The following INO80 variants were observed in gnomAD, a reference collection of about 807,000 sequenced individuals.
INO80 encodes the protein chromatin-remodeling ATPase INO80.
A neutral mutation model predicts 203.4 loss-of-function variants in INO80; 20 were observed. That is an observed-to-expected ratio of 0.10 (90% CI 0.07 to 0.14). The LOEUF (loss-of-function observed/expected upper bound fraction) is 0.14, where lower values mean the gene tolerates loss of function less well. Ranked by LOEUF, INO80 falls within the 10% of genes least tolerant of loss-of-function variation. The pLI is 1.00. For synonymous variants in INO80, 726 were observed against 685.2 expected, an observed-to-expected ratio of 1.06 and a Z score of -0.93; for missense variants, 1,419 against 1,914.4, an observed-to-expected ratio of 0.74 and a Z score of 4.83.
intron 21 of INO80, among the ~76,000 whole-genome samples, chr15:41,048,919 T>C (rs1468513350): frequency 6.6e-6 from 1 of 152,192 alleles, no homozygotes; most frequent in Non-Finnish European, 1.5e-5. Context: ...AAAAGGTAAA[T>C]TTGATTAACT....
In INO80 at chr15:41,069,560, T is replaced by G; in HGVS notation, c.1782+10A>C. The G allele has an allele frequency of 6.7e-7, 1 of 1,483,958 alleles. No homozygotes were observed. Among genetic ancestry groups the G allele is most frequent in the Non-Finnish European group, 9.4e-7 (1 of 1,069,124 alleles). 91.9% of individuals were successfully genotyped at this position (1,483,958 alleles called of 1,614,324 possible). A position where few individuals can be genotyped will look rare whatever the true frequency, so the allele number is the denominator to read the frequency against. ...AGAGCAATAGATGTTTTGGTTGGAC[T>G]GATATTTACCTTAAATTTAGGAACA... is the stretch of plus-strand genomic sequence containing the variant. On this transcript the variant is annotated intron_variant, in intron 14 of 35. Coordinates refer to ENST00000648947, the MANE Select transcript of INO80 (RefSeq NM_017553.3).
At chr15:41,049,788 A>C in intron 20 of INO80, 147 bp downstream of exon 20, 1 of 705,860 alleles carries the variant, frequency 1.4e-6, no homozygotes, top group South Asian at 2.2e-5. Flanking sequence ...TGGGAGGCTG[A>C]GGCAGGAGAA....
rs558776924 is a variant in INO80, at chr15:41,080,354, CAACT to C, written c.928-454_928-451del. Among the ~76,000 whole-genome samples the C allele has an allele frequency of 9.9e-5, 15 of 152,214 alleles. No individual in the cohort carries two copies. In the South Asian group the frequency reaches 3.1e-3, roughly 32 times the overall value. On this transcript the variant is annotated intron_variant, in intron 8 of 35. Transcript: ENST00000648947. Reference sequence around the variant, plus strand: ...GTTGAATGACTACCCCAGAGAAACACAACTAATAACATGGCCTAATCTGATCCTC... The same window carrying C: ...GTTGAATGACTACCCCAGAGAAACACAATAACATGGCCTAATCTGATCCTC...
At chr15:41,060,125 G>C (rs889636277) in intron 14 of INO80, among the ~76,000 whole-genome samples, 199 bp from the exon 15 acceptor site, 1 of 152,158 alleles carries the variant, frequency 6.6e-6, no homozygotes, top group African/African-American at 2.4e-5. Flanking sequence ...TTTGTCTGAA[G>C]GCATAAAACA....
chr15:41,079,361 T>G (rs1481450624), intron 9 of INO80, among the ~76,000 whole-genome samples: 1 of 152,076 alleles, frequency 6.6e-6, no homozygotes, highest in African/African-American at 2.4e-5. Context: ...GAGCCCAGAA[T>G]AGAGGAAGAC....
chr15:41,058,620 T>C lies in INO80; in HGVS notation c.1985+19A>G, dbSNP rs2045043701. On this transcript the variant is annotated intron_variant, in intron 16 of 35. Transcript: ENST00000648947. ...ACTTAACCCAATGCATTGAGTTTGG[T>C]TTCTACTACTCATGTTACCTGGAAC... The C allele has an allele frequency of 1.9e-6, 3 of 1,609,884 alleles. No individual in the cohort carries two copies. The highest frequency in any genetic ancestry group is 1.3e-5 in the African/African-American group (1 of 74,890).
At chr15:41,028,018 ACTT>A (rs771207159) in intron 24 of INO80, 4 of 214,294 alleles carry the variant, frequency 1.9e-5, no homozygotes, top group Non-Finnish European at 3.7e-5. Context: ...GCACAGCAAA[ACTT>A]CATTAGACAA....
chr15:41,075,915 C>G (rs1372062934), intron 9 of INO80, among the ~76,000 whole-genome samples: 2 of 152,146 alleles, frequency 1.3e-5, no homozygotes, highest in Non-Finnish European at 2.9e-5. Flanking sequence ...GGCCCTAAAA[C>G]TCTTACCACC....
rs940616685 is a variant in INO80, at chr15:41,087,412, G to C, written c.658+150C>G. On this transcript the variant is annotated intron_variant, in intron 6 of 35. Coordinates refer to ENST00000648947, the MANE Select transcript of INO80 (RefSeq NM_017553.3). ...ACCCATGGATACCAAAGGGAAAACT[G>C]TACTTGCTACTAATTAGAAAGGAGA... 1.6e-5 allele frequency: 13 copies of C among 826,008 alleles called. No homozygotes were observed. In the Admixed American group the frequency reaches 2.6e-4, roughly 16 times the overall value. 51.2% of individuals were successfully genotyped at this position (826,008 alleles called of 1,614,324 possible).
Position 41,073,437 on chromosome 15 carries a change from G to A in INO80, c.1386C>T (p.His462=), listed in dbSNP as rs1333582359. 1 of 1,613,920 alleles carries A rather than the reference G, an allele frequency of 6.2e-7. No individual in the cohort carries two copies. The highest frequency in any genetic ancestry group is 2.2e-5 in the East Asian group (1 of 44,866). The change falls in exon 11 of 36, where the codon CAC becomes CAT. Residue 462 remains histidine, a synonymous_variant. Coordinates refer to ENST00000648947, the MANE Select transcript of INO80 (RefSeq NM_017553.3). ...CTATCTGAAGACTCACCCGAGCTTGGTGAATATGGTAAGCATTTTCAGCAT... is the reference window on the plus strand; with the variant it reads ...CTATCTGAAGACTCACCCGAGCTTGATGAATATGGTAAGCATTTTCAGCAT... ...LKNAENAYHI[H]QARTRSFDED...
chr15:41,056,637 C>A lies in INO80; in HGVS notation c.2055G>T (p.Gln685His). The change falls in exon 17 of 36, where the codon CAG (glutamine) becomes CAT (histidine). Residue 685 changes from glutamine to histidine, a missense_variant. This residue lies in a region of INO80 where 192 missense variants were observed against 406.7 expected (regional missense o/e 0.47). Coordinates refer to ENST00000648947, the MANE Select transcript of INO80 (RefSeq NM_017553.3). ...NRLLLTGTPI[Q>H]NTMAELWALL... ...TAGTGCCTACCTCTGCCATGGTGTT[C>A]TGAATTGGGGTCCCGGTTAGCAAAA... 1 of 1,613,730 alleles carries A rather than the reference C, an allele frequency of 6.2e-7. No individual in the cohort carries two copies. The highest frequency in any genetic ancestry group is 8.5e-7 in the Non-Finnish European group (1 of 1,179,608).
chr15:40,994,002 C>T (rs1044448386), intron 29 of INO80, among the ~76,000 whole-genome samples: 1 of 152,116 alleles, frequency 6.6e-6, no homozygotes, highest in Non-Finnish European at 1.5e-5. Flanking sequence ...TTCTTGCAAT[C>T]GCTCCCCATC....
At chr15:41,062,838 C>T (rs1275163837) in intron 14 of INO80, among the ~76,000 whole-genome samples, 3 of 152,134 alleles carry the variant, frequency 2.0e-5, no homozygotes, top group Admixed American at 6.5e-5. Context: ...GGAACTATAA[C>T]AAATAAATCT....
chr15:41,044,890 A>G lies in INO80; in HGVS notation c.2907+14T>C. ...GATACTAAGTAGGTAATTTATGCTC[A>G]AATAATTGCTTACCTTTAACAAAGG... On this transcript the variant is annotated intron_variant, in intron 24 of 35. Transcript: ENST00000648947. 1 of 1,584,210 alleles carries G rather than the reference A, an allele frequency of 6.3e-7. No homozygotes were observed. Among genetic ancestry groups the G allele is most frequent in the Non-Finnish European group, 8.5e-7 (1 of 1,170,370 alleles).
intron 1 of INO80, among the ~76,000 whole-genome samples, chr15:41,105,290 C>A (rs2045865730): frequency 6.6e-6 from 1 of 152,072 alleles, no homozygotes; most frequent in Non-Finnish European, 1.5e-5. Context: ...GTTGGGGGGG[C>A]ACCTCCATTA....
Position 40,980,344 on chromosome 15 carries a change from G to A in INO80, c.4550C>T (p.Pro1517Leu). Residue 1517 changes from proline to leucine, a missense_variant, in exon 36 of 36, where the codon CCT becomes CTT. This residue lies in a region of INO80 where 112 missense variants were observed against 106.2 expected (regional missense o/e 1.05). Transcript: ENST00000648947. ...AGGAACATTATTTCCCTTGCTCAAA[G>A]GGGAACTCAAAGGAGAAGAGGCGCT... ...PSSASSPLSS[P>L]LSKGNNVPGN... The A allele has an allele frequency of 1.2e-6, 2 of 1,614,044 alleles. No homozygotes were observed. The highest frequency in any genetic ancestry group is 1.7e-4 in the Middle Eastern group (1 of 5,948).
chr15:41,047,621 C>T (rs1596290863), intron 22 of INO80, 120 bp from the exon 23 acceptor site: 90 of 671,754 alleles, frequency 1.3e-4, no homozygotes. Flanking sequence ...AGGTTCTGAT[C>T]TAGCCACTTT....
At position 41,027,745 on chromosome 15, in the gene INO80, T is replaced by G; in HGVS notation, c.2908-9A>C. The G allele has an allele frequency of 6.4e-7, 1 of 1,557,444 alleles. No individual in the cohort carries two copies. The highest frequency in any genetic ancestry group is 8.7e-7 in the Non-Finnish European group (1 of 1,150,684). ...CTGCTGAAAACAAGAGACTGCAAAA[T>G]AAAAATGCAAATGAATGCCAACTAT... is the stretch of plus-strand genomic sequence containing the variant. On this transcript the variant is annotated splice_polypyrimidine_tract_variant and intron_variant, in intron 24 of 35. Coordinates refer to ENST00000648947, the MANE Select transcript of INO80 (RefSeq NM_017553.3).
At chr15:41,018,801 G>C (rs2044247468) in intron 26 of INO80, 1 of 152,210 alleles carries the variant, frequency 6.6e-6, no homozygotes. Flanking sequence ...CGCTAAGCAG[G>C]ATACAGAGAC....
Sources: allele counts gnomAD v4.1 joint callset (sites outside exome capture counted in the v4.1 genomes callset), GRCh38; gene constraint gnomAD v4.1.1; regional missense constraint gnomAD v4.1.1; transcripts MANE v1.5; gene names NCBI Gene and HGNC (gene_info 2026-07-23, HGNC 2026-07-21).